Variants in CAMK2D observed in about 807,000 individuals in gnomAD.
The protein encoded by CAMK2D is calcium/calmodulin-dependent protein kinase type II subunit delta.
A neutral mutation model predicts 84.0 loss-of-function variants in CAMK2D; 37 were observed. The ratio of observed to expected loss-of-function variants is 0.44; its 90% CI spans 0.34 to 0.58. CAMK2D has a LOEUF of 0.58. CAMK2D is among the 20% of genes least tolerant of loss of function. The probability of loss-of-function intolerance (pLI) is 0.02; values close to 1 mark genes in which losing one functional copy is unlikely to be tolerated. For missense variants in CAMK2D, 448 were observed against 652.5 expected, an observed-to-expected ratio of 0.69 and a Z score of 3.41; for synonymous variants, 202 against 212.5, an observed-to-expected ratio of 0.95 and a Z score of 0.43.
chr4:113,475,276 C>G (rs976478886), intron 16 of CAMK2D, among the ~76,000 whole-genome samples: 1 of 152,144 alleles, frequency 6.6e-6, no homozygotes, highest in Non-Finnish European at 1.5e-5. Flanking sequence ...GCAGAAAGAG[C>G]TGAAGAGCAT....
chr4:113,760,167 C>G (rs1048344308), intron 1 of CAMK2D, among the ~76,000 whole-genome samples: 1 of 151,810 alleles, frequency 6.6e-6, no homozygotes, highest in South Asian at 2.1e-4. Context: ...ACGGCTTGGC[C>G]CCTAGGTCCC....
intron 2 of CAMK2D, among the ~76,000 whole-genome samples, chr4:113,728,741 C>T (rs2099553506): frequency 6.6e-6 from 1 of 152,040 alleles, no homozygotes; most frequent in African/African-American, 2.4e-5. Context: ...CCTTCTCAGT[C>T]CCCTAGTTTT....
intron 1 of CAMK2D, 66 bp downstream of exon 1, chr4:113,760,938 T>A: frequency 6.2e-7 from 1 of 1,601,034 alleles, no homozygotes. Context: ...GGCCGGTGGG[T>A]CGGGGGCAAC....
intron 12 of CAMK2D, among the ~76,000 whole-genome samples, chr4:113,511,199 A>ATAC: frequency 6.6e-6 from 1 of 152,192 alleles, no homozygotes; most frequent in Non-Finnish European, 1.5e-5. Flanking sequence ...TTTAAAGAGC[A>ATAC]TGTTTGGCAA....
chr4:113,682,776 T>C (rs2154335864), intron 2 of CAMK2D, among the ~76,000 whole-genome samples: 1 of 152,336 alleles, frequency 6.6e-6, no homozygotes, highest in Admixed American at 6.5e-5. Context: ...TCCTTTACAA[T>C]GACTATTATT....
At chr4:113,631,004 A>T (rs1046264219) in intron 3 of CAMK2D, among the ~76,000 whole-genome samples, 3 of 152,170 alleles carry the variant, frequency 2.0e-5, no homozygotes, top group African/African-American at 7.2e-5. Context: ...AAAAAAATCA[A>T]ATCTCAGAAT....
chr4:113,733,136 T>A (rs1186979343), intron 2 of CAMK2D, among the ~76,000 whole-genome samples: 1 of 152,170 alleles, frequency 6.6e-6, no homozygotes, highest in Non-Finnish European at 1.5e-5. Flanking sequence ...AGACAGAGAC[T>A]GAAATGATAA....
chr4:113,657,822 C>T (rs2099208937), intron 3 of CAMK2D, among the ~76,000 whole-genome samples: 1 of 152,056 alleles, frequency 6.6e-6, no homozygotes, highest in Admixed American at 6.6e-5. Flanking sequence ...CACATTTTCA[C>T]AGGGGAAAAA....
intron 16 of CAMK2D, among the ~76,000 whole-genome samples, chr4:113,480,323 C>G (rs1309140094): frequency 6.6e-6 from 1 of 152,030 alleles, no homozygotes; most frequent in African/African-American, 2.4e-5. Context: ...CATGAGCAGT[C>G]AGAATGCATA....
At position 113,454,309 on chromosome 4, in the gene CAMK2D, T is replaced by A. The variant is rs2097279335; in HGVS notation, c.*236A>T. On this transcript the variant is annotated 3_prime_UTR_variant, in exon 21 of 21. Transcript: ENST00000511664. Reference sequence around the variant, plus strand: ...TGTTTTGCCAACAGTAATTTAAGTTTGTGTGGAACATCCCCGTAGTTGAAG... The same window carrying A: ...TGTTTTGCCAACAGTAATTTAAGTTAGTGTGGAACATCCCCGTAGTTGAAG... The A allele has an allele frequency of 2.6e-6, 1 of 390,540 alleles. No homozygotes were observed. The highest frequency in any genetic ancestry group is 4.7e-6 in the Non-Finnish European group (1 of 214,870). 24.2% of individuals were successfully genotyped at this position (390,540 alleles called of 1,614,324 possible).
At chr4:113,616,443 T>C (rs189948498) in intron 3 of CAMK2D, among the ~76,000 whole-genome samples, 6 of 152,298 alleles carry the variant, frequency 3.9e-5, no homozygotes, top group South Asian at 4.1e-4. Flanking sequence ...ATTAGTATAA[T>C]AGCATTCAGT....
chr4:113,600,127 T>G (rs1039682625), intron 4 of CAMK2D, among the ~76,000 whole-genome samples: 3 of 152,048 alleles, frequency 2.0e-5, no homozygotes, highest in African/African-American at 7.2e-5. Flanking sequence ...TTGCCAGAAG[T>G]TGGGGGTAAG....
intron 20 of CAMK2D, among the ~76,000 whole-genome samples, chr4:113,455,253 G>A (rs1352422987): frequency 7.9e-5 from 12 of 152,098 alleles, no homozygotes; most frequent in African/African-American, 2.9e-4. Flanking sequence ...TCCTCCTGTG[G>A]CCTGTCCTCA....
chr4:113,720,396 A>G (rs909510054), intron 2 of CAMK2D, among the ~76,000 whole-genome samples: 3 of 150,210 alleles, frequency 2.0e-5, no homozygotes, highest in Non-Finnish European at 4.4e-5. Flanking sequence ...ACACACTCAC[A>G]CATTTTAAAA....
At chr4:113,649,466 A>G (rs984162588) in intron 3 of CAMK2D, among the ~76,000 whole-genome samples, 3 of 151,906 alleles carry the variant, frequency 2.0e-5, no homozygotes, top group African/African-American at 7.3e-5. Context: ...TTTTAACTCT[A>G]TTTTTTCTTT....
rs982005309 is a variant in CAMK2D at position 113,759,044 on chromosome 4, T to C, written c.160+276A>G. 21 of 203,398 alleles carry C rather than the reference T, an allele frequency of 1.0e-4. No individual in the cohort carries two copies. The Admixed American group carries it at 1.1e-3, about 11-fold the overall frequency. The allele number at this position is 203,398 out of a possible 1,614,324, so 12.6% of individuals were successfully genotyped here. ...ACTTAAACTATAAGCAAAATGCACC[T>C]GACATTTATTTGCTTTAAAATATAG... On this transcript the variant is annotated intron_variant, in intron 2 of 20. Transcript: ENST00000511664.
intron 16 of CAMK2D, among the ~76,000 whole-genome samples, chr4:113,499,633 A>G (rs2098002413): frequency 6.6e-6 from 1 of 152,134 alleles, no homozygotes; most frequent in Non-Finnish European, 1.5e-5. Context: ...TTTATGGATC[A>G]TTGCTCCCAA....
At chr4:113,524,974 C>A (rs2098405389) in intron 8 of CAMK2D, among the ~76,000 whole-genome samples, 1 of 152,170 alleles carries the variant, frequency 6.6e-6, no homozygotes, top group Non-Finnish European at 1.5e-5. Flanking sequence ...TGTGATTGGC[C>A]AAGTGTAAGG....
At chr4:113,604,106 T>TA (rs1393629719) in intron 4 of CAMK2D, among the ~76,000 whole-genome samples, 1 of 152,098 alleles carries the variant, frequency 6.6e-6, no homozygotes, top group East Asian at 1.9e-4. Flanking sequence ...AGGAAATATG[T>TA]ACAAGCACCA....
Sources: allele counts gnomAD v4.1 joint callset (sites outside exome capture counted in the v4.1 genomes callset), GRCh38; gene constraint gnomAD v4.1.1; transcripts MANE v1.5; gene names NCBI Gene and HGNC (gene_info 2026-07-23, HGNC 2026-07-21).